The following COMMD1 variants were observed in gnomAD, a reference collection of about 807,000 sequenced individuals.
The protein encoded by COMMD1 is COMM domain-containing protein 1.
COMMD1 carries 10 observed loss-of-function variants against 17.2 expected under a neutral mutation model. The ratio of observed to expected loss-of-function variants is 0.58; its 90% CI spans 0.36 to 0.99. The LOEUF is 0.99. Among genes scored for constraint, COMMD1 ranks in the 50% least tolerant of loss-of-function variants. The pLI, the probability that COMMD1 is intolerant of heterozygous loss-of-function variation, is 0.01. For synonymous variants in COMMD1, 97 were observed against 91.6 expected (o/e 1.06, Z -0.34); for missense variants, 270 against 231.8 (o/e 1.17, Z -1.07).
intron 1 of COMMD1, chr2:61,928,597 T>C (rs566123574): frequency 6.6e-6 from 1 of 152,354 alleles, no homozygotes; most frequent in Admixed American, 6.5e-5. Flanking sequence ...CAAAATGTTG[T>C]ACCTTGACAT....
chr2:62,077,073 G>C (rs906596926), intron 2 of COMMD1, among the ~76,000 whole-genome samples: 3 of 152,196 alleles, frequency 2.0e-5, no homozygotes, highest in Non-Finnish European at 2.9e-5. Flanking sequence ...TGAGGCTGCA[G>C]TGTGCTATGA....
chr2:62,047,213 T>C (rs1665531907), intron 2 of COMMD1, among the ~76,000 whole-genome samples: 2 of 152,204 alleles, frequency 1.3e-5, no homozygotes. Flanking sequence ...AGACTGCATA[T>C]ATGATGCTGG....
At chr2:61,976,889 T>C (rs543144271) in intron 1 of COMMD1, among the ~76,000 whole-genome samples, 46 of 151,426 alleles carry the variant, frequency 3.0e-4, no homozygotes, top group African/African-American at 1.1e-3. Context: ...GGTACAGTGG[T>C]GTGGTCTCGG....
intron 2 of COMMD1, among the ~76,000 whole-genome samples, chr2:62,067,237 G>A (rs1422587378): frequency 5.4e-5 from 8 of 149,142 alleles, no homozygotes; most frequent in South Asian, 2.1e-4. Context: ...AAAAAAAAAA[G>A]GAAAAAAAAA....
intron 1 of COMMD1, among the ~76,000 whole-genome samples, chr2:61,963,229 A>C (rs940782798): frequency 8.4e-6 from 1 of 119,508 alleles, no homozygotes; most frequent in African/African-American, 5.8e-5. Flanking sequence ...ACATATATAC[A>C]TATATACACA....
chr2:61,947,875 AAC>A (rs1289111305), intron 1 of COMMD1, among the ~76,000 whole-genome samples: 2 of 145,044 alleles, frequency 1.4e-5, no homozygotes, highest in Non-Finnish European at 2.9e-5. Context: ...AGACTTATGA[AAC>A]ACAATTGTTG....
chr2:61,894,400 C>A (rs1236824860), intron 1 of COMMD1, among the ~76,000 whole-genome samples: 1 of 151,562 alleles, frequency 6.6e-6, no homozygotes, highest in East Asian at 1.9e-4. Flanking sequence ...CCATTCCCAG[C>A]CTAAAAAAGT....
chr2:62,054,361 A>T (rs1670628401), intron 2 of COMMD1, among the ~76,000 whole-genome samples: 1 of 152,172 alleles, frequency 6.6e-6, no homozygotes, highest in African/African-American at 2.4e-5. Context: ...ACCGCCAGAA[A>T]AGAAGTCAGC....
At chr2:62,077,542 C>T (rs1325710164) in intron 2 of COMMD1, among the ~76,000 whole-genome samples, 1 of 152,134 alleles carries the variant, frequency 6.6e-6, no homozygotes, top group Non-Finnish European at 1.5e-5. Context: ...TCCCTATTAT[C>T]ATACTTTACT....
intron 1 of COMMD1, among the ~76,000 whole-genome samples, chr2:61,936,585 T>C (rs774718964): frequency 1.3e-5 from 2 of 152,120 alleles, no homozygotes; most frequent in African/African-American, 4.8e-5. Context: ...CATTGACAAA[T>C]TTCTAGAAAC....
chr2:62,063,702 C>A (rs1355753114), intron 2 of COMMD1, among the ~76,000 whole-genome samples: 1 of 151,512 alleles, frequency 6.6e-6, no homozygotes, highest in Non-Finnish European at 1.5e-5. Flanking sequence ...TTTGTATAAA[C>A]AAAAACAGTG....
At chr2:62,111,963 G>A (rs1672466247) in intron 2 of COMMD1, among the ~76,000 whole-genome samples, 1 of 152,318 alleles carries the variant, frequency 6.6e-6, no homozygotes, top group South Asian at 2.1e-4. Context: ...CATAGTCTGA[G>A]ATTCAGGACT....
At chr2:61,901,869 C>T (rs1358762807), upstream of COMMD1, among the ~76,000 whole-genome samples, 1 of 152,086 alleles carries the variant, frequency 6.6e-6, no homozygotes, top group Non-Finnish European at 1.5e-5. Context: ...GAATCTTGCT[C>T]TGTCACCAGG....
chr2:61,957,118 G>GTGTT (rs1354403528), intron 1 of COMMD1, among the ~76,000 whole-genome samples: 1 of 149,610 alleles, frequency 6.7e-6, no homozygotes, highest in Admixed American at 6.6e-5. Flanking sequence ...GTGTGTGTGT[G>GTGTT]TGTAAAATCT....
chr2:62,109,197 C>T (rs1672391197), intron 2 of COMMD1, among the ~76,000 whole-genome samples: 1 of 152,148 alleles, frequency 6.6e-6, no homozygotes, highest in African/African-American at 2.4e-5. Context: ...AATTAGCATA[C>T]CAAGAAATGA....
intron 1 of COMMD1, among the ~76,000 whole-genome samples, chr2:61,908,299 T>A (rs1403919586): frequency 1.3e-5 from 2 of 150,442 alleles, no homozygotes; most frequent in Admixed American, 6.7e-5. Flanking sequence ...CCATCTCGGC[T>A]CACTACAACC....
chr2:62,018,772 G>A (rs1444575041), intron 2 of COMMD1, among the ~76,000 whole-genome samples: 2 of 152,186 alleles, frequency 1.3e-5, no homozygotes, highest in African/African-American at 2.4e-5. Context: ...GTCTTAGTGT[G>A]TTTTGTGCTG....
chr2:62,079,398 C>G (rs1465951859), intron 2 of COMMD1, among the ~76,000 whole-genome samples: 1 of 152,162 alleles, frequency 6.6e-6, no homozygotes. Context: ...ATCTTTAAAG[C>G]AAAATTAGGA....
intron 2 of COMMD1, among the ~76,000 whole-genome samples, chr2:62,092,490 AG>A (rs1216448743): frequency 2.0e-5 from 3 of 152,156 alleles, no homozygotes; most frequent in Admixed American, 6.5e-5. Context: ...TGCTTGTTTT[AG>A]GAGTGAAATG....
Sources: gnomAD v4.1 joint callset for allele counts (sites outside exome capture counted in the v4.1 genomes callset) on GRCh38, gnomAD v4.1.1 for gene constraint, MANE v1.5 for transcripts, NCBI Gene and HGNC (gene_info 2026-07-23, HGNC 2026-07-21) for gene names.